DHRS7: variants seen among roughly 807,000 people sequenced by gnomAD.
DHRS7 encodes the protein dehydrogenase/reductase SDR family member 7.
Under a neutral mutation model 38.9 loss-of-function variants are expected in DHRS7, and 34 were observed. That is an observed-to-expected ratio of 0.87 (90% CI 0.66 to 1.16). The LOEUF (loss-of-function observed/expected upper bound fraction) is 1.16, where lower values mean the gene tolerates loss of function less well. DHRS7 is among the 50% of genes most tolerant of loss of function. The pLI is 0.00. For missense variants in DHRS7, 421 were observed against 407.0 expected, an observed-to-expected ratio of 1.03 and a Z score of -0.30; for synonymous variants, 158 against 153.1, an observed-to-expected ratio of 1.03 and a Z score of -0.24.
chr14:60,151,312 T>C (rs755200536), intron 4 of DHRS7, among the ~76,000 whole-genome samples: 12 of 152,078 alleles, frequency 7.9e-5, no homozygotes, highest in Non-Finnish European at 1.2e-4. Flanking sequence ...TAAACAGAAA[T>C]CTACTGCCTC....
At position 60,148,929 on chromosome 14, in the gene DHRS7, T is replaced by G. The variant is rs1896470243; in HGVS notation, c.972+424A>C. The G allele has an allele frequency of 1.3e-5, 2 of 159,472 alleles. No individual in the cohort carries two copies. The highest frequency in any genetic ancestry group is 3.4e-4 in the South Asian group (2 of 5,838). 9.9% of individuals were successfully genotyped at this position (159,472 alleles called of 1,614,324 possible). ...AAATATATGCATGGGGATAAAATAT[T>G]TTTTATTTATTTTTCTTTATATCAT... On this transcript the variant is annotated intron_variant, in intron 6 of 6. Transcript: ENST00000557185. The surrounding 1 kb of genome is among the most constrained non-coding windows in gnomAD (Gnocchi z 4.8).
chr14:60,152,953 T>G lies in DHRS7; in HGVS notation c.619A>C (p.Lys207Gln), dbSNP rs1566531796. The change falls in exon 4 of 7, where the codon AAG (lysine) becomes CAG (glutamine). Residue 207 changes from lysine to glutamine, a missense_variant. Coordinates refer to ENST00000557185, the MANE Select transcript of DHRS7 (RefSeq NM_016029.4). ...VPLSIGYCAS[K>Q]HALRGFFNGL... ...AGCAGCCTTACCCGGAGAGCATGCT[T>G]GCTAGCACAGTATCCAATGGAAAGA... The G allele has an allele frequency of 6.2e-7, 1 of 1,613,990 alleles. No individual in the cohort carries two copies. The highest frequency in any genetic ancestry group is 1.3e-5 in the African/African-American group (1 of 74,928).
intron 1 of DHRS7, among the ~76,000 whole-genome samples, chr14:60,160,370 A>AC (rs1195936805): frequency 6.8e-6 from 1 of 146,372 alleles, no homozygotes; most frequent in Non-Finnish European, 1.5e-5. Context: ...TTACAAAATT[A>AC]CCTACTTTGT....
chr14:60,154,888 A>G (rs1896625729), intron 2 of DHRS7, among the ~76,000 whole-genome samples: 1 of 152,140 alleles, frequency 6.6e-6, no homozygotes, highest in Admixed American at 6.5e-5. Flanking sequence ...ACAACTATCA[A>G]AAGAAGTGGC....
Position 60,144,906 on chromosome 14 carries a change from T to C in DHRS7, c.*60A>G, listed in dbSNP as rs1896359192. 1 of 1,343,240 alleles carries C rather than the reference T, an allele frequency of 7.4e-7. No individual in the cohort carries two copies. The highest frequency in any genetic ancestry group is 1.7e-5 in the Admixed American group (1 of 59,484). The allele number at this position is 1,343,240 out of a possible 1,614,324, so 83.2% of individuals were successfully genotyped here. A position where few individuals can be genotyped will look rare whatever the true frequency, so the allele number is the denominator to read the frequency against. On this transcript the variant is annotated 3_prime_UTR_variant, in exon 7 of 7. Coordinates refer to ENST00000557185, the MANE Select transcript of DHRS7 (RefSeq NM_016029.4). Reference sequence around the variant, plus strand: ...TTGATTATTCAGAAGCATAAGAAGATTGCTGTTTTCATGTTTTCCATTTCT... The same window carrying C: ...TTGATTATTCAGAAGCATAAGAAGACTGCTGTTTTCATGTTTTCCATTTCT...
rs1262552194 is a variant in DHRS7 at position 60,150,082 on chromosome 14, C to T, written c.739G>A (p.Ala247Thr). ...VQSNIVENSL[A>T]GEVTKTIGNN... Reference sequence around the variant, plus strand: ...ATTTTTACCTTTGTGACTTCTCCAGCTAGGGAATTCTCCACAATATTTGAT... The same window carrying T: ...ATTTTTACCTTTGTGACTTCTCCAGTTAGGGAATTCTCCACAATATTTGAT... The change falls in exon 5 of 7, where the codon GCT (alanine) becomes ACT (threonine). Residue 247 changes from alanine to threonine, a missense_variant. Physicochemically the swap from Ala to Thr is moderately conservative, Grantham distance 58. Coordinates refer to ENST00000557185, the MANE Select transcript of DHRS7 (RefSeq NM_016029.4). The T allele has an allele frequency of 6.3e-7, 1 of 1,597,088 alleles. No individual in the cohort carries two copies. Among genetic ancestry groups the T allele is most frequent in the South Asian group, 1.1e-5 (1 of 87,206 alleles).
intron 2 of DHRS7, among the ~76,000 whole-genome samples, chr14:60,155,531 T>C (rs777355941): frequency 2.0e-5 from 3 of 152,214 alleles, no homozygotes; most frequent in African/African-American, 7.2e-5. Flanking sequence ...TATGAAAGTA[T>C]TACCTCAAGT....
rs1190227393 is a variant in DHRS7, at chr14:60,150,142, T to TC, written c.678_679insG (p.Ile227AspfsTer5). On this transcript the variant is annotated frameshift_variant, in exon 5 of 7. Transcript: ENST00000557185. LOFTEE classifies it high-confidence loss of function. ...CCTGGGCAAATGTTAGAAACTATTA[T>TC]ACCTGGGTATGTGGCAAGTTCTGTT... is the stretch of plus-strand genomic sequence containing the variant. The TC allele has an allele frequency of 1.9e-6, 3 of 1,596,962 alleles. No homozygotes were observed. The Admixed American group carries it at 5.2e-5, about 28-fold the overall frequency.
At chr14:60,164,247 AC>A (rs1353810182) in intron 1 of DHRS7, among the ~76,000 whole-genome samples, 1 of 113,282 alleles carries the variant, frequency 8.8e-6, no homozygotes, top group Admixed American at 1.0e-4. Flanking sequence ...ACCCCCCTCA[AC>A]GCCCAACCCA....
chr14:60,149,710 G>T (rs1896495775), intron 5 of DHRS7, 142 bp from the exon 6 acceptor site: 2 of 643,230 alleles, frequency 3.1e-6, no homozygotes, highest in African/African-American at 3.7e-5. Context: ...GTACTAATGG[G>T]AGTTTATAAA....
chr14:60,152,832 G>C lies in DHRS7; in HGVS notation c.633+107C>G, dbSNP rs1351390725. The C allele has an allele frequency of 3.8e-6, 5 of 1,325,192 alleles. No homozygotes were observed. The East Asian group carries it at 1.2e-4, about 32-fold the overall frequency. The allele number at this position is 1,325,192 out of a possible 1,614,324, so 82.1% of individuals were successfully genotyped here. ...ACCAAAAGTCTCCTTGGGTCTCTCT[G>C]TCTCCCCACATCACTTCCAGTTCCA... On this transcript the variant is annotated intron_variant, in intron 4 of 6. Transcript: ENST00000557185.
chr14:60,168,450 G>A (rs1896893319), upstream of DHRS7, among the ~76,000 whole-genome samples: 1 of 152,144 alleles, frequency 6.6e-6, no homozygotes, highest in South Asian at 2.1e-4. Context: ...TGTGGATTTT[G>A]CCAATACCAA....
At position 60,165,193 on chromosome 14, in the gene DHRS7, C is replaced by T. The variant is rs1244437209; in HGVS notation, c.117G>A (p.Trp39Ter). The T allele has an allele frequency of 3.1e-6, 5 of 1,612,910 alleles. No homozygotes were observed. Among genetic ancestry groups the T allele is most frequent in the Non-Finnish European group, 4.2e-6 (5 of 1,179,808 alleles). ...GGTCCTCACCTGGGCGTCGTCCCTGCCACTCGGCCCATAGTAGCGTCAGGT... is the reference window on the plus strand; with the variant it reads ...GGTCCTCACCTGGGCGTCGTCCCTGTCACTCGGCCCATAGTAGCGTCAGGT... Reference protein sequence around the residue: ...DGDLTLLWAEWQGRRPEWELT... With the variant: ...DGDLTLLWAE Residue 39 changes from tryptophan to a stop codon, truncating the protein, a stop_gained, in exon 1 of 7, where the codon TGG becomes TGA. Coordinates refer to ENST00000557185, the MANE Select transcript of DHRS7 (RefSeq NM_016029.4). LOFTEE classifies it high-confidence loss of function. This position sits in a 1 kb window ranked among gnomAD's most constrained non-coding sequence, Gnocchi z 4.6.
intron 1 of DHRS7, among the ~76,000 whole-genome samples, chr14:60,160,523 A>G (rs893106237): frequency 1.3e-5 from 2 of 151,472 alleles, no homozygotes; most frequent in Non-Finnish European, 2.9e-5. Flanking sequence ...TATCTCTGGC[A>G]CAGAGTAGAT....
At chr14:60,168,802 C>T, upstream of DHRS7, 3 of 1,527,646 alleles carry the variant, frequency 2.0e-6, no homozygotes, top group African/African-American at 1.4e-5. Context: ...CATTGGCTTG[C>T]AAACATGCTG....
chr14:60,151,579 T>C (rs1468672249), intron 4 of DHRS7, among the ~76,000 whole-genome samples: 2 of 149,066 alleles, frequency 1.3e-5, no homozygotes, highest in African/African-American at 4.9e-5. Flanking sequence ...AAAACTCCCA[T>C]AACTTTAACC....
intron 1 of DHRS7, 126 bp from the exon 2 acceptor site, chr14:60,156,278 T>C: frequency 1.3e-6 from 1 of 781,986 alleles, no homozygotes; most frequent in Non-Finnish European, 1.8e-6. Context: ...TGTATAGAGT[T>C]AAAATTTGAA....
chr14:60,147,487 TTAAA>T (rs1239763124), intron 6 of DHRS7: 5 of 152,170 alleles, frequency 3.3e-5, no homozygotes, highest in African/African-American at 1.2e-4. Flanking sequence ...AATGTATACC[TTAAA>T]TATATATAAT....
At chr14:60,165,416 A>T, upstream of DHRS7, 1 of 1,451,136 alleles carries the variant, frequency 6.9e-7, no homozygotes, top group East Asian at 2.6e-5. This position sits in a 1 kb window ranked among gnomAD's most constrained non-coding sequence, Gnocchi z 4.6. Context: ...CCAGAGCCGC[A>T]CTGCCCCGGC....
Sources: allele counts gnomAD v4.1 joint callset (sites outside exome capture counted in the v4.1 genomes callset), GRCh38; gene constraint gnomAD v4.1.1; non-coding constraint Gnocchi (gnomAD v3.1); transcripts MANE v1.5; gene names NCBI Gene and HGNC (gene_info 2026-07-23, HGNC 2026-07-21).